ABHD10: variants seen among roughly 807,000 people sequenced by gnomAD.
ABHD10 encodes the protein abhydrolase domain containing 10, depalmitoylase.
In ABHD10, 22 loss-of-function variants were observed where a neutral mutation model predicts 33.1. The observed-to-expected ratio is 0.66, with a 90% CI of 0.47 to 0.95. ABHD10 has a LOEUF of 0.95. Among genes scored for constraint, ABHD10 ranks in the 40% least tolerant of loss-of-function variants. The probability of loss-of-function intolerance (pLI) is 0.00; values close to 1 mark genes in which losing one functional copy is unlikely to be tolerated. For synonymous variants in ABHD10, 146 were observed against 133.9 expected, an observed-to-expected ratio of 1.09 and a Z score of -0.62; for missense variants, 352 against 379.9, an observed-to-expected ratio of 0.93 and a Z score of 0.61.
At chr3:111,985,150 G>A (rs935244993) in intron 2 of ABHD10, among the ~76,000 whole-genome samples, 1 of 152,184 alleles carries the variant, frequency 6.6e-6, no homozygotes, top group Non-Finnish European at 1.5e-5. Flanking sequence ...GGGTTGGGGA[G>A]GAAGCTGTTC....
At chr3:111,982,549 G>A (rs2072599672) in intron 2 of ABHD10, among the ~76,000 whole-genome samples, 1 of 152,080 alleles carries the variant, frequency 6.6e-6, no homozygotes, top group African/African-American at 2.4e-5. Context: ...TATATGTTTA[G>A]TATCCACTGT....
chr3:111,981,367 A>G (rs545485159), intron 1 of ABHD10, among the ~76,000 whole-genome samples: 216 of 152,208 alleles, frequency 1.4e-3, no homozygotes, highest in African/African-American at 5.0e-3. Flanking sequence ...CTTGTCAAAC[A>G]AAAAATAAAT....
rs962726223 is a variant in ABHD10 at position 111,992,943 on chromosome 3, G to A, written c.*1222G>A. On this transcript the variant is annotated 3_prime_UTR_variant, in exon 5 of 5. Transcript: ENST00000273359. ...TTAACCTTAGAGACCTGCTTTACAAGGTTGGCCCTTGATTGGCATCTGGGA... is the reference window on the plus strand; with the variant it reads ...TTAACCTTAGAGACCTGCTTTACAAAGTTGGCCCTTGATTGGCATCTGGGA... The A allele has an allele frequency of 5.3e-5, 8 of 152,220 alleles. No homozygotes were observed. Among genetic ancestry groups the A allele is most frequent in the African/African-American group, 1.9e-4 (8 of 41,456 alleles). 9.4% of individuals were successfully genotyped at this position (152,220 alleles called of 1,614,324 possible). A position where few individuals can be genotyped will look rare whatever the true frequency, so the allele number is the denominator to read the frequency against.
chr3:111,984,549 G>A (rs2072628721), intron 2 of ABHD10, among the ~76,000 whole-genome samples: 1 of 152,070 alleles, frequency 6.6e-6, no homozygotes, highest in East Asian at 1.9e-4. Flanking sequence ...AGTATTCCCT[G>A]ATGAAGTGAG....
In ABHD10 at chr3:111,991,407, T is replaced by C. The variant is rs868200850; in HGVS notation, c.607T>C (p.Trp203Arg). ...AAAGGAAGTAGAGATGAAAGGTGTG[T>C]GGAGCATGCCATCAAAATACTCTGA... is the stretch of plus-strand genomic sequence containing the variant. Reference protein sequence around the residue: ...LKKEVEMKGVWSMPSKYSEEG... With the variant: ...LKKEVEMKGVRSMPSKYSEEG... Residue 203 changes from tryptophan to arginine, a missense_variant, in exon 5 of 5, where the codon TGG becomes CGG. Physicochemically the swap from Trp to Arg is moderately radical, Grantham distance 101. Transcript: ENST00000273359. The C allele has an allele frequency of 1.2e-6, 2 of 1,612,400 alleles. No homozygotes were observed. The highest frequency in any genetic ancestry group is 2.7e-5 in the African/African-American group (2 of 74,798).
In ABHD10 at chr3:111,993,270, T is replaced by G. The variant is rs531163737; in HGVS notation, c.*1549T>G. The G allele has an allele frequency of 6.6e-6, 1 of 152,180 alleles. No individual in the cohort carries two copies. The highest frequency in any genetic ancestry group is 2.1e-4 in the South Asian group (1 of 4,838). 9.4% of individuals were successfully genotyped at this position (152,180 alleles called of 1,614,324 possible). ...GCGGAGGATTCTTGGAAGCTTGCAC[T>G]TAGTTTCCCCTGACTTCACCCCATG... On this transcript the variant is annotated 3_prime_UTR_variant, in exon 5 of 5. Coordinates refer to ENST00000273359, the MANE Select transcript of ABHD10 (RefSeq NM_018394.4).
rs144269813 is a variant in ABHD10, at chr3:111,989,281, G to T, written c.577-2096G>T. ...CTTCTTTGGACACTAGAGGGCCTCA[G>T]ACATGATGCACAGCTGTTGGGAATG... is the stretch of plus-strand genomic sequence containing the variant. On this transcript the variant is annotated intron_variant, in intron 4 of 4. Coordinates refer to ENST00000273359, the MANE Select transcript of ABHD10 (RefSeq NM_018394.4). 2.6e-5 allele frequency among the ~76,000 whole-genome samples: 4 copies of T among 152,172 alleles called. No homozygotes were observed. The South Asian group carries it at 8.3e-4, about 32-fold the overall frequency.
chr3:111,982,792 A>G (rs541132839), intron 2 of ABHD10, among the ~76,000 whole-genome samples: 7 of 152,288 alleles, frequency 4.6e-5, no homozygotes, highest in Admixed American at 4.6e-4. Flanking sequence ...TGACTCACAA[A>G]CATTCATTCA....
Position 111,991,439 on chromosome 3 carries a change from A to C in ABHD10, c.639A>C (p.Gly213=). The C allele has an allele frequency of 2.5e-6, 4 of 1,613,718 alleles. No homozygotes were observed. The highest frequency in any genetic ancestry group is 3.4e-6 in the Non-Finnish European group (4 of 1,179,870). The stretch of plus-strand genomic sequence containing the variant: ...TGCCATCAAAATACTCTGAAGAAGG[A>C]GTTTATAACGTTCAGTACAGTTTCA... The part of the protein sequence containing the change: ...WSMPSKYSEE[G]VYNVQYSFIK... The change falls in exon 5 of 5, where the codon GGA becomes GGC. Residue 213 remains glycine (G), a synonymous_variant. Coordinates refer to ENST00000273359, the MANE Select transcript of ABHD10 (RefSeq NM_018394.4).
chr3:111,986,222 T>A (rs2072657811), intron 2 of ABHD10, 42 bp from the exon 3 acceptor site: 3 of 1,092,984 alleles, frequency 2.7e-6, no homozygotes, highest in Non-Finnish European at 4.2e-6. Flanking sequence ...AAGAAGCAGA[T>A]ATATAGATAT....
intron 2 of ABHD10, 39 bp downstream of exon 2, chr3:111,982,006 T>G (rs1373655268): frequency 7.1e-7 from 1 of 1,400,474 alleles, no homozygotes; most frequent in Non-Finnish European, 9.6e-7. Flanking sequence ...TTGCTACTGT[T>G]AGCATTACAG....
Position 111,991,399 on chromosome 3 carries a change from A to G in ABHD10, c.599A>G (p.Lys200Arg). The change falls in exon 5 of 5, where the codon AAA becomes AGA. Residue 200 changes from lysine to arginine, a missense_variant. By Grantham distance (26) the Lys-to-Arg change is conservative. Transcript: ENST00000273359. ...PVELKKEVEMKGVWSMPSKYS... is the reference protein window; with the variant it reads ...PVELKKEVEMRGVWSMPSKYS... ...TAGCTAAAAAAGGAAGTAGAGATGA[A>G]AGGTGTGTGGAGCATGCCATCAAAA... The G allele has an allele frequency of 6.2e-7, 1 of 1,606,970 alleles. No homozygotes were observed. The highest frequency in any genetic ancestry group is 1.3e-5 in the African/African-American group (1 of 74,598).
rs190324952 is a variant in ABHD10 at position 111,991,260 on chromosome 3, T to C, written c.577-117T>C. ...ATTGATAATTATTATTGTTATACTT[T>C]TGTTATCTCTATCCTCTTATTCAAG... On this transcript the variant is annotated intron_variant, in intron 4 of 4. Transcript: ENST00000273359. 6.8e-4 allele frequency: 532 copies of C among 787,970 alleles called. 3 individuals carry two copies. The highest frequency in any genetic ancestry group is 6.7e-3 in the East Asian group (245 of 36,782). 48.8% of individuals were successfully genotyped at this position (787,970 alleles called of 1,614,324 possible).
Position 111,979,199 on chromosome 3 carries a change from C to T in ABHD10, c.138C>T (p.Leu46=). 1 of 1,598,648 alleles carries T rather than the reference C, an allele frequency of 6.3e-7. No individual in the cohort carries two copies. The highest frequency in any genetic ancestry group is 1.1e-5 in the South Asian group (1 of 90,274). Residue 46 remains leucine (L), a synonymous_variant, in exon 1 of 5, where the codon CTC becomes CTT. Transcript: ENST00000273359. ...ARIPQRAPRW[L]PACRQKTSLS... Reference sequence around the variant, plus strand: ...TACCTCAGCGGGCGCCACGGTGGCTCCCAGGTCAGTGTCCGAAAGGCGGGA... The same window carrying T: ...TACCTCAGCGGGCGCCACGGTGGCTTCCAGGTCAGTGTCCGAAAGGCGGGA...
intron 4 of ABHD10, among the ~76,000 whole-genome samples, chr3:111,989,288 T>C (rs536562423): frequency 6.6e-6 from 1 of 152,344 alleles, no homozygotes; most frequent in Admixed American, 6.5e-5. Flanking sequence ...TCAGACATGA[T>C]GCACAGCTGT....
intron 2 of ABHD10, among the ~76,000 whole-genome samples, chr3:111,986,004 T>C (rs944320185): frequency 6.6e-6 from 1 of 152,104 alleles, no homozygotes; most frequent in Admixed American, 6.5e-5. Flanking sequence ...AACAGGAGAC[T>C]TTTTAGGAGA....
intron 1 of ABHD10, among the ~76,000 whole-genome samples, 176 bp downstream of exon 1, chr3:111,979,379 C>CT (rs1243671196): frequency 1.3e-5 from 2 of 152,232 alleles, no homozygotes; most frequent in African/African-American, 4.8e-5. Context: ...GAGGAGAGCT[C>CT]TGCCGCGGCC....
intron 4 of ABHD10, among the ~76,000 whole-genome samples, chr3:111,988,528 G>A (rs1378586287): frequency 2.0e-5 from 3 of 151,868 alleles, no homozygotes; most frequent in Admixed American, 1.3e-4. Flanking sequence ...TTTGGGGGTT[G>A]GGGGTTTATT....
intron 2 of ABHD10, 71 bp from the exon 3 acceptor site, chr3:111,986,193 C>T: frequency 1.2e-6 from 1 of 806,132 alleles, no homozygotes; most frequent in African/African-American, 1.8e-5. Context: ...GAGGAAGGTG[C>T]TATCTTTCTT....
Sources: allele counts gnomAD v4.1 joint callset (sites outside exome capture counted in the v4.1 genomes callset), GRCh38; gene constraint gnomAD v4.1.1; transcripts MANE v1.5; gene names NCBI Gene and HGNC (gene_info 2026-07-23, HGNC 2026-07-21).